The following ZNF451 variants were observed in gnomAD, a reference collection of about 807,000 sequenced individuals.
ZNF451 encodes the protein E3 SUMO-protein ligase ZNF451.
ZNF451 carries 80 observed loss-of-function variants against 107.1 expected under a neutral mutation model. The observed-to-expected ratio is 0.75, with a 90% CI of 0.62 to 0.90. The LOEUF (loss-of-function observed/expected upper bound fraction) is 0.90. Ranked by LOEUF, ZNF451 falls within the 40% of genes least tolerant of loss-of-function variation. The pLI, the probability that ZNF451 is intolerant of heterozygous loss-of-function variation, is 0.00. For synonymous variants in ZNF451, 362 were observed against 406.5 expected (o/e 0.89, Z 1.32); for missense variants, 1,107 against 1,236.2 (o/e 0.90, Z 1.57).
At chr6:57,109,495 C>G in intron 3 of ZNF451, 4 of 985,384 alleles carry the variant, frequency 4.1e-6, no homozygotes, top group Non-Finnish European at 4.8e-6. Flanking sequence ...ACACTAAAGC[C>G]TGATGCAGAT....
chr6:57,150,092 T>C (rs1347622497), intron 10 of ZNF451, among the ~76,000 whole-genome samples: 1 of 151,780 alleles, frequency 6.6e-6, no homozygotes, highest in Admixed American at 6.6e-5. Flanking sequence ...GGAGGGAGAA[T>C]GAGAGTTGGG....
At chr6:57,129,389 G>T (rs1053106431) in intron 5 of ZNF451, among the ~76,000 whole-genome samples, 1 of 152,118 alleles carries the variant, frequency 6.6e-6, no homozygotes, top group African/African-American at 2.4e-5. Context: ...TAATTTGGTG[G>T]AATTTTTAAG....
intron 13 of ZNF451, chr6:57,159,487 C>G: frequency 2.0e-6 from 1 of 500,100 alleles, no homozygotes. Context: ...GAATGTAGCC[C>G]AACACAAATT....
At chr6:57,155,743 C>T (rs771960918) in intron 13 of ZNF451, among the ~76,000 whole-genome samples, 1 of 151,064 alleles carries the variant, frequency 6.6e-6, no homozygotes, top group Non-Finnish European at 1.5e-5. Context: ...GGGTATATTA[C>T]AGTTGGAGGT....
chr6:57,095,947 C>T (rs930346751), intron 2 of ZNF451, among the ~76,000 whole-genome samples: 1 of 151,798 alleles, frequency 6.6e-6, no homozygotes, highest in Non-Finnish European at 1.5e-5. Context: ...CTTCGGCCTC[C>T]TGAGTAGCTG....
Position 57,154,022 on chromosome 6 carries a change from A to G in ZNF451, c.3045A>G (p.Leu1015=). 9.3e-6 allele frequency: 15 copies of G among 1,614,204 alleles called. No homozygotes were observed. The highest frequency in any genetic ancestry group is 1.2e-5 in the Non-Finnish European group (14 of 1,180,042). Residue 1015 remains leucine, a synonymous_variant, in exon 13 of 15, where the codon TTA becomes TTG. Coordinates refer to ENST00000370706, the MANE Select transcript of ZNF451 (RefSeq NM_001031623.3). The part of the protein sequence containing the change: ...HLEGDMMCAL[L]NSISDTTKEC... ...AGGGAGATATGATGTGTGCCTTGTT[A>G]AATAGCATATCTGATACCACCAAAG...
intron 12 of ZNF451, among the ~76,000 whole-genome samples, chr6:57,153,525 C>T (rs1398222106): frequency 1.3e-5 from 2 of 151,864 alleles, no homozygotes; most frequent in Non-Finnish European, 2.9e-5. Flanking sequence ...CAGCCTCAGC[C>T]TGGAGAATCC....
At chr6:57,133,680 G>T (rs1831291231) in intron 6 of ZNF451, among the ~76,000 whole-genome samples, 2 of 152,010 alleles carry the variant, frequency 1.3e-5, no homozygotes, top group African/African-American at 4.8e-5. Context: ...GTTTTTGTTT[G>T]TTTGTTTGTT....
In ZNF451 at chr6:57,147,563, C is replaced by A. The variant is rs1239189461; in HGVS notation, c.1478C>A (p.Ala493Glu). The A allele has an allele frequency of 8.1e-6, 13 of 1,614,086 alleles. No individual in the cohort carries two copies. The highest frequency in any genetic ancestry group is 1.0e-5 in the Non-Finnish European group (12 of 1,179,976). ...EDAVEKHVFS[A>E]NTMGYKCVVC... The stretch of plus-strand genomic sequence containing the variant: ...GCAGTAGAAAAGCATGTTTTCTCAG[C>A]AAACACAATGGGTTATAAATGTGTG... Residue 493 changes from alanine to glutamate, a missense_variant, in exon 10 of 15, where the codon GCA becomes GAA. Ala to Glu is a moderately radical substitution (Grantham distance 107). Transcript: ENST00000370706.
intron 3 of ZNF451, chr6:57,103,356 C>T (rs74594559): frequency 2.0e-4 from 193 of 985,258 alleles, no homozygotes; most frequent in Middle Eastern, 5.2e-4. Flanking sequence ...TTAAGTGATA[C>T]GCTCTTGGTT....
chr6:57,161,706 T>G (rs1457987778), intron 14 of ZNF451, among the ~76,000 whole-genome samples: 2 of 152,014 alleles, frequency 1.3e-5, no homozygotes, highest in Admixed American at 6.6e-5. Context: ...TTGTTTTTTG[T>G]TTTTTTGAGA....
chr6:57,152,276 C>G lies in ZNF451; in HGVS notation c.2808C>G (p.Asn936Lys). ...PLNCKIYNYL[N>K]RIGCFFLHPR... ...ACTGTAAGATTTATAACTACCTGAA[C>G]AGGATTGGATGCTTCTTCCTTCATC... Residue 936 changes from asparagine to lysine, a missense_variant, in exon 12 of 15, where the codon AAC becomes AAG. Coordinates refer to ENST00000370706, the MANE Select transcript of ZNF451 (RefSeq NM_001031623.3). The G allele has an allele frequency of 1.2e-6, 2 of 1,613,840 alleles. No homozygotes were observed. The highest frequency in any genetic ancestry group is 2.2e-5 in the South Asian group (2 of 91,012).
chr6:57,163,875 C>T (rs1356036069), intron 14 of ZNF451, among the ~76,000 whole-genome samples: 2 of 152,088 alleles, frequency 1.3e-5, no homozygotes, highest in East Asian at 1.9e-4. Flanking sequence ...ATTTTGTTGA[C>T]CCTGAACCAC....
At chr6:57,091,277 T>C (rs2127926900) in intron 2 of ZNF451, among the ~76,000 whole-genome samples, 1 of 56,094 alleles carries the variant, frequency 1.8e-5, no homozygotes, top group African/African-American at 6.9e-5. Flanking sequence ...CCCAGAATCT[T>C]AGCGTTATGG....
chr6:57,124,614 A>C, intron 3 of ZNF451, 120 bp from the exon 4 acceptor site: 1 of 774,132 alleles, frequency 1.3e-6, no homozygotes, highest in Non-Finnish European at 2.2e-6. Context: ...ACAATACACA[A>C]AATAGGTTCT....
chr6:57,107,480 T>C (rs1593092243), intron 3 of ZNF451: 1 of 985,222 alleles, frequency 1.0e-6, no homozygotes, highest in Non-Finnish European at 1.2e-6. Flanking sequence ...CTACCTTGTT[T>C]AATGGTAGTA....
chr6:57,134,575 A>G (rs1831339631), intron 6 of ZNF451, among the ~76,000 whole-genome samples, 169 bp from the exon 7 acceptor site: 2 of 152,228 alleles, frequency 1.3e-5, no homozygotes, highest in African/African-American at 4.8e-5. Flanking sequence ...AGCATATGGG[A>G]ACCACTTGAT....
intron 14 of ZNF451, among the ~76,000 whole-genome samples, chr6:57,167,380 C>A (rs970608051): frequency 6.6e-6 from 1 of 152,068 alleles, no homozygotes; most frequent in African/African-American, 2.4e-5. Flanking sequence ...GTTACTGTAA[C>A]TTTATAATAA....
At position 57,121,453 on chromosome 6, in the gene ZNF451, A is replaced by G. The variant is rs1283592536; in HGVS notation, c.187-3281A>G. Among the ~76,000 whole-genome samples the G allele has an allele frequency of 4.6e-5, 7 of 152,152 alleles. No individual in the cohort carries two copies. In the East Asian group the frequency reaches 1.3e-3, roughly 29 times the overall value. Reference sequence around the variant, plus strand: ...GATTGTGATTGCATTGAATATATAGATCAAGTTAGGAGAACTGACATCTTG... The same window carrying G: ...GATTGTGATTGCATTGAATATATAGGTCAAGTTAGGAGAACTGACATCTTG... On this transcript the variant is annotated intron_variant, in intron 3 of 14. Coordinates refer to ENST00000370706, the MANE Select transcript of ZNF451 (RefSeq NM_001031623.3).
Sources: allele counts gnomAD v4.1 joint callset (sites outside exome capture counted in the v4.1 genomes callset), GRCh38; gene constraint gnomAD v4.1.1; transcripts MANE v1.5; gene names NCBI Gene and HGNC (gene_info 2026-07-23, HGNC 2026-07-21).